DRC7: variants seen among roughly 807,000 people sequenced by gnomAD.
The protein encoded by DRC7 is coiled-coil domain containing 135.
DRC7 carries 80 observed loss-of-function variants against 104.4 expected under a neutral mutation model. The observed-to-expected ratio is 0.77, with a 90% CI of 0.64 to 0.92. The LOEUF is 0.92. DRC7 is among the 40% of genes least tolerant of loss of function. DRC7 has a pLI of 0.00. For missense variants in DRC7, 1,034 were observed against 1,141.1 expected, an observed-to-expected ratio of 0.91 and a Z score of 1.35; for synonymous variants, 405 against 447.3, an observed-to-expected ratio of 0.91 and a Z score of 1.19.
chr16:57,715,717 G>A (rs79871755), intron 8 of DRC7, among the ~76,000 whole-genome samples: 1 of 152,206 alleles, frequency 6.6e-6, no homozygotes, highest in African/African-American at 2.4e-5. Flanking sequence ...CCACACAGAG[G>A]GGGCAGAGCC....
chr16:57,731,139 C>G, intron 18 of DRC7, 26 bp from the exon 19 acceptor site: 7 of 1,613,738 alleles, frequency 4.3e-6, no homozygotes, highest in Non-Finnish European at 5.9e-6. Context: ...ACCCCTCACC[C>G]TCTTTCCTTG....
chr16:57,728,612 G>A, intron 17 of DRC7, 28 bp downstream of exon 17: 1 of 1,529,304 alleles, frequency 6.5e-7, no homozygotes, highest in Non-Finnish European at 8.8e-7. Flanking sequence ...GTTGGGGAGG[G>A]GGGGATCTCA....
intron 8 of DRC7, among the ~76,000 whole-genome samples, chr16:57,717,955 GT>G (rs1200859571): frequency 6.6e-6 from 1 of 152,198 alleles, no homozygotes; most frequent in African/African-American, 2.4e-5. Flanking sequence ...CTTCCTGGGA[GT>G]TGCTAGACCC....
chr16:57,718,227 C>T (rs1318060981), intron 8 of DRC7, 120 bp from the exon 9 acceptor site: 2 of 1,323,054 alleles, frequency 1.5e-6, no homozygotes, highest in Admixed American at 2.2e-5. Flanking sequence ...TCTGCTTCCC[C>T]AAGCCCTGGG....
At chr16:57,729,413 G>A (rs1165492923) in intron 17 of DRC7, among the ~76,000 whole-genome samples, 1 of 144,484 alleles carries the variant, frequency 6.9e-6, no homozygotes, top group African/African-American at 2.6e-5. Context: ...CGGGTGGATG[G>A]ATGAATGGAT....
At chr16:57,722,948 G>A in intron 11 of DRC7, 54 bp from the exon 12 acceptor site, 1 of 1,613,212 alleles carries the variant, frequency 6.2e-7, no homozygotes, top group Non-Finnish European at 8.5e-7. Context: ...AATAAGGGGG[G>A]TTGAAGGCTA....
intron 9 of DRC7, among the ~76,000 whole-genome samples, chr16:57,720,218 A>G (rs2923139): frequency 0.097 from 14,839 of 152,270 alleles, 916 homozygotes; most frequent in African/African-American, 0.17. Flanking sequence ...CACTTACCCA[A>G]AGCGATACAG....
chr16:57,699,784 G>A (rs1015293731), intron 4 of DRC7, among the ~76,000 whole-genome samples: 8 of 152,108 alleles, frequency 5.3e-5, no homozygotes, highest in Non-Finnish European at 1.2e-4. Context: ...GTCACCTCAG[G>A]CAGCTCTCAA....
intron 6 of DRC7, among the ~76,000 whole-genome samples, chr16:57,703,992 C>G (rs2048686273): frequency 7.1e-6 from 1 of 140,152 alleles, no homozygotes; most frequent in South Asian, 2.2e-4. Context: ...AAAAAAAAAG[C>G]CTCTGAGCTC....
intron 8 of DRC7, among the ~76,000 whole-genome samples, chr16:57,713,105 T>G (rs1330842041): frequency 1.3e-5 from 2 of 152,238 alleles, no homozygotes; most frequent in African/African-American, 2.4e-5. Context: ...TATTTTACAC[T>G]TGCTATAGTT....
Position 57,731,374 on chromosome 16 carries a change from C to T in DRC7, c.*116C>T, listed in dbSNP as rs1177799073. On this transcript the variant is annotated 3_prime_UTR_variant, in exon 19 of 19. Coordinates refer to ENST00000360716, the MANE Select transcript of DRC7 (RefSeq NM_001289162.2). ...CTGTTTACACAGACACCTGGCCTCA[C>T]TGCCAGCCCACCTCCCCTACAGCCC... The T allele has an allele frequency of 6.9e-6, 5 of 729,924 alleles. No homozygotes were observed. The African/African-American group carries it at 7.1e-5, about 10-fold the overall frequency. 45.2% of individuals were successfully genotyped at this position (729,924 alleles called of 1,614,324 possible). A position where few individuals can be genotyped will look rare whatever the true frequency, so the allele number is the denominator to read the frequency against.
intron 10 of DRC7, 131 bp from the exon 11 acceptor site, chr16:57,722,582 C>T (rs1174487467): frequency 7.8e-7 from 1 of 1,277,038 alleles, no homozygotes; most frequent in Admixed American, 2.1e-5. Flanking sequence ...CTCGGCCTCC[C>T]TGGATCAGGC....
At chr16:57,721,564 C>A in intron 9 of DRC7, 103 bp from the exon 10 acceptor site, 1 of 832,672 alleles carries the variant, frequency 1.2e-6, no homozygotes, top group Non-Finnish European at 2.0e-6. Context: ...AGCCAACGGA[C>A]CACCTTGGCT....
chr16:57,700,965 G>T (rs2048651398), intron 5 of DRC7, among the ~76,000 whole-genome samples: 2 of 152,078 alleles, frequency 1.3e-5, no homozygotes, highest in Non-Finnish European at 2.9e-5. Flanking sequence ...TAGCTCAGGG[G>T]CTCTTTAAGT....
At chr16:57,709,672 A>G (rs1332544935) in intron 8 of DRC7, among the ~76,000 whole-genome samples, 3 of 152,236 alleles carry the variant, frequency 2.0e-5, no homozygotes, top group Admixed American at 2.0e-4. Context: ...GACATAACAT[A>G]AATCCACTAA....
In DRC7 at chr16:57,721,724, G is replaced by A; in HGVS notation, c.1264G>A (p.Glu422Lys). The change falls in exon 10 of 19, where the codon GAG becomes AAG. Residue 422 changes from glutamate to lysine, a missense_variant. Glu to Lys is a moderately conservative substitution (Grantham distance 56). Coordinates refer to ENST00000360716, the MANE Select transcript of DRC7 (RefSeq NM_001289162.2). ...GCCCCACTCGTGGGTGGAGCAGATT[G>A]AGATCTCCCCGGAAGGTATTTTCTA... Reference protein sequence around the residue: ...DMPHSWVEQIEISPEAFETRC... With the variant: ...DMPHSWVEQIKISPEAFETRC... The A allele has an allele frequency of 2.5e-6, 4 of 1,613,648 alleles. No homozygotes were observed. The highest frequency in any genetic ancestry group is 2.5e-6 in the Non-Finnish European group (3 of 1,179,626).
At chr16:57,695,624 C>A (rs1442306309) in intron 1 of DRC7, among the ~76,000 whole-genome samples, 1 of 152,358 alleles carries the variant, frequency 6.6e-6, no homozygotes, top group Non-Finnish European at 1.5e-5. Flanking sequence ...GCTAGAGGTT[C>A]TCCCCTGAGG....
Position 57,704,905 on chromosome 16 carries a change from T to C in DRC7, c.729T>C (p.Pro243=). The change falls in exon 7 of 19, where the codon CCT becomes CCC. Residue 243 remains proline (P), a synonymous_variant. Transcript: ENST00000360716. ...TCAAGAAGGAGGAAAAGGTGCTGCC[T>C]AAGAAGTATACCATCAAACCCCCCA... ...ETIKKEEKVL[P]KKYTIKPPRD... is the part of the protein sequence containing the mutation. 6.2e-7 allele frequency: 1 copy of C among 1,613,576 alleles called. No homozygotes were observed. Among genetic ancestry groups the C allele is most frequent in the Non-Finnish European group, 8.5e-7 (1 of 1,179,828 alleles).
chr16:57,721,053 A>G (rs1426663429), intron 9 of DRC7, among the ~76,000 whole-genome samples: 2 of 152,036 alleles, frequency 1.3e-5, no homozygotes, highest in Non-Finnish European at 2.9e-5. Flanking sequence ...CGTCTCTACT[A>G]AAAATACAAA....
Sources: allele counts gnomAD v4.1 joint callset (sites outside exome capture counted in the v4.1 genomes callset), GRCh38; gene constraint gnomAD v4.1.1; transcripts MANE v1.5; gene names NCBI Gene and HGNC (gene_info 2026-07-23, HGNC 2026-07-21).